The following NKAIN2 variants were observed in gnomAD, a reference collection of about 807,000 sequenced individuals.
NKAIN2 encodes the protein sodium/potassium transporting ATPase interacting 2.
NKAIN2 carries 14 observed loss-of-function variants against 32.6 expected under a neutral mutation model. The observed-to-expected ratio is 0.43, with a 90% CI of 0.28 to 0.67. The LOEUF is 0.67. NKAIN2 is among the 30% of genes least tolerant of loss of function. The pLI is 0.17. For missense variants in NKAIN2, 198 were observed against 258.3 expected (o/e 0.77, Z 1.60); for synonymous variants, 80 against 87.2 (o/e 0.92, Z 0.46).
At chr6:124,533,592 A>T (rs982869180) in intron 3 of NKAIN2, among the ~76,000 whole-genome samples, 1 of 151,754 alleles carries the variant, frequency 6.6e-6, no homozygotes, top group African/African-American at 2.4e-5. Flanking sequence ...ATATCTCAGG[A>T]TCTTTATCTG....
chr6:124,694,205 GA>G (rs869259625), intron 4 of NKAIN2, among the ~76,000 whole-genome samples: 1 of 128,540 alleles, frequency 7.8e-6, no homozygotes, highest in Non-Finnish European at 1.7e-5. Context: ...GAAAATAATG[GA>G]ATGTTCTTCA....
intron 3 of NKAIN2, among the ~76,000 whole-genome samples, chr6:124,359,651 A>G (rs1178221147): frequency 1.3e-5 from 2 of 152,158 alleles, no homozygotes; most frequent in Non-Finnish European, 1.5e-5. Context: ...GAAGTTGCCT[A>G]TCAGCTTAAG....
intron 2 of NKAIN2, among the ~76,000 whole-genome samples, chr6:124,295,007 G>T (rs1056562478): frequency 1.3e-5 from 2 of 150,566 alleles, no homozygotes; most frequent in Admixed American, 1.3e-4. Context: ...TTTTATGGGA[G>T]TGTCATGCAC....
chr6:124,235,666 T>A (rs1423461657), intron 1 of NKAIN2, among the ~76,000 whole-genome samples: 2 of 151,860 alleles, frequency 1.3e-5, no homozygotes, highest in East Asian at 3.9e-4. Context: ...TGGTGCGGTC[T>A]TAGCTCACTG....
intron 1 of NKAIN2, among the ~76,000 whole-genome samples, chr6:123,870,436 C>T (rs934109668): frequency 6.6e-6 from 1 of 152,114 alleles, no homozygotes; most frequent in African/African-American, 2.4e-5. Context: ...GGTGAACAAG[C>T]ATTCCCACCA....
chr6:124,329,549 G>A (rs142338942), intron 2 of NKAIN2, among the ~76,000 whole-genome samples: 107 of 152,268 alleles, frequency 7.0e-4, no homozygotes, highest in African/African-American at 1.3e-3. Context: ...CAAGATTGTC[G>A]CTGGGAGTGA....
chr6:124,476,650 C>T (rs1023787363), intron 3 of NKAIN2, among the ~76,000 whole-genome samples: 2 of 152,064 alleles, frequency 1.3e-5, no homozygotes, highest in African/African-American at 4.8e-5. Context: ...ATTGTCATAA[C>T]AAGGGAAATA....
intron 3 of NKAIN2, among the ~76,000 whole-genome samples, chr6:124,511,141 G>T (rs1320855515): frequency 1.3e-5 from 2 of 152,078 alleles, no homozygotes; most frequent in Non-Finnish European, 2.9e-5. Flanking sequence ...TGAGTCCTTG[G>T]CAAGAAAAAT....
At chr6:124,763,633 A>T (rs1376206979) in intron 4 of NKAIN2, among the ~76,000 whole-genome samples, 2 of 152,224 alleles carry the variant, frequency 1.3e-5, no homozygotes, top group African/African-American at 4.8e-5. Context: ...AACCCATGTT[A>T]CTATAGTTGA....
chr6:124,406,693 C>G (rs941616810), intron 3 of NKAIN2, among the ~76,000 whole-genome samples: 1 of 151,990 alleles, frequency 6.6e-6, no homozygotes, highest in Non-Finnish European at 1.5e-5. Flanking sequence ...ATTTTACGTT[C>G]TTACAAGTAG....
At chr6:124,733,496 A>G (rs541727909) in intron 4 of NKAIN2, among the ~76,000 whole-genome samples, 120 of 152,030 alleles carry the variant, frequency 7.9e-4, no homozygotes, top group African/African-American at 2.8e-3. Context: ...GAAACTGTAC[A>G]TAAGCACTGT....
intron 1 of NKAIN2, among the ~76,000 whole-genome samples, chr6:123,909,462 CT>C (rs1775057819): frequency 6.6e-6 from 1 of 152,214 alleles, no homozygotes; most frequent in South Asian, 2.1e-4. Flanking sequence ...CTGCCACCCT[CT>C]CTGAGTCTCG....
At position 124,150,779 on chromosome 6, in the gene NKAIN2, C is replaced by T. The variant is rs1399352277; in HGVS notation, c.55-132226C>T. 2.0e-5 allele frequency among the ~76,000 whole-genome samples: 3 copies of T among 152,086 alleles called. No homozygotes were observed. In the East Asian group the frequency reaches 5.8e-4, roughly 29 times the overall value. On this transcript the variant is annotated intron_variant, in intron 1 of 6. Transcript: ENST00000368417. ...CACAGACAAACTACACTCCGGGAGG[C>T]CTTCAAGAACTTACAAACTTAGAAC...
At chr6:124,476,063 A>AGTGTGTGTGT (rs772864587) in intron 3 of NKAIN2, among the ~76,000 whole-genome samples, 24 of 115,116 alleles carry the variant, frequency 2.1e-4, no homozygotes, top group African/African-American at 8.6e-4. Flanking sequence ...AGAGAGAGAG[A>AGTGTGTGTGT]GAGTGTGTGT....
At chr6:123,994,894 T>A (rs1483796491) in intron 1 of NKAIN2, among the ~76,000 whole-genome samples, 2 of 152,178 alleles carry the variant, frequency 1.3e-5, no homozygotes, top group Admixed American at 6.5e-5. Context: ...CCAGGAAACT[T>A]TGTGCTCTGC....
chr6:123,895,437 C>T (rs929786268), intron 1 of NKAIN2, among the ~76,000 whole-genome samples: 4 of 152,036 alleles, frequency 2.6e-5, no homozygotes, highest in African/African-American at 9.7e-5. Flanking sequence ...TGTTTTTTCC[C>T]TTGATATATT....
intron 1 of NKAIN2, among the ~76,000 whole-genome samples, chr6:124,023,813 A>G (rs772575109): frequency 2.0e-5 from 3 of 152,126 alleles, no homozygotes; most frequent in Non-Finnish European, 4.4e-5. Context: ...CAGGATGTGA[A>G]GGCAAATAGT....
At chr6:124,402,582 G>A (rs1773670716) in intron 3 of NKAIN2, among the ~76,000 whole-genome samples, 1 of 152,194 alleles carries the variant, frequency 6.6e-6, no homozygotes, top group African/African-American at 2.4e-5. Context: ...TAAAGAAAAT[G>A]TGGTACATGT....
chr6:124,307,703 A>G (rs974911021), intron 2 of NKAIN2, among the ~76,000 whole-genome samples: 2 of 152,206 alleles, frequency 1.3e-5, no homozygotes, highest in Non-Finnish European at 2.9e-5. Context: ...GTAAATTACT[A>G]TATCTTGGAA....
Sources: allele counts gnomAD v4.1 joint callset (sites outside exome capture counted in the v4.1 genomes callset), GRCh38; gene constraint gnomAD v4.1.1; transcripts MANE v1.5; gene names NCBI Gene and HGNC (gene_info 2026-07-23, HGNC 2026-07-21).